SGCZ: variants seen among roughly 807,000 people sequenced by gnomAD.
The protein encoded by SGCZ is sarcoglycan zeta.
A neutral mutation model predicts 41.3 loss-of-function variants in SGCZ; 40 were observed. That is an observed-to-expected ratio of 0.97 (90% CI 0.75 to 1.26). The LOEUF is 1.26. Among genes scored for constraint, SGCZ ranks in the 50% most tolerant of loss-of-function variants. The pLI, the probability that SGCZ is intolerant of heterozygous loss-of-function variation, is 0.00. For missense variants in SGCZ, 552 were observed against 369.8 expected (o/e 1.49, Z -4.04); for synonymous variants, 206 against 137.5 (o/e 1.50, Z -3.49).
At chr8:14,423,715 A>T (rs761375039) in intron 2 of SGCZ, among the ~76,000 whole-genome samples, 3 of 152,164 alleles carry the variant, frequency 2.0e-5, no homozygotes, top group Non-Finnish European at 4.4e-5. Flanking sequence ...TATCTGGCTT[A>T]TCATTAATAT....
chr8:15,042,073 T>G (rs561595033), intron 1 of SGCZ, among the ~76,000 whole-genome samples: 4 of 152,296 alleles, frequency 2.6e-5, no homozygotes, highest in African/African-American at 9.6e-5. Flanking sequence ...AAATGCTCAT[T>G]TTGTGAGAAA....
In SGCZ at chr8:14,819,704, A is replaced by C. The variant is rs887867487; in HGVS notation, c.40-264778T>G. Reference sequence around the variant, plus strand: ...GGAACACACAACAGATAAATAAGTAAATTAGAGCAACAAAAATATTCATTG... The same window carrying C: ...GGAACACACAACAGATAAATAAGTACATTAGAGCAACAAAAATATTCATTG... On this transcript the variant is annotated intron_variant, in intron 1 of 7. Transcript: ENST00000382080. 7.9e-5 allele frequency among the ~76,000 whole-genome samples: 12 copies of C among 152,270 alleles called. No homozygotes were observed. The East Asian group carries it at 1.7e-3, about 22-fold the overall frequency.
At chr8:14,299,338 C>A (rs972260676) in intron 3 of SGCZ, among the ~76,000 whole-genome samples, 14 of 151,804 alleles carry the variant, frequency 9.2e-5, no homozygotes, top group Non-Finnish European at 1.3e-4. Context: ...AAAACCTCTG[C>A]TCAAAAACAA....
intron 1 of SGCZ, among the ~76,000 whole-genome samples, chr8:14,650,330 T>G (rs1335953065): frequency 6.6e-6 from 1 of 152,028 alleles, no homozygotes; most frequent in East Asian, 1.9e-4. Flanking sequence ...GAAGTTTAGC[T>G]TTAAAGTGGA....
At chr8:14,982,459 T>C (rs546917975) in intron 1 of SGCZ, among the ~76,000 whole-genome samples, 1 of 152,316 alleles carries the variant, frequency 6.6e-6, no homozygotes, top group South Asian at 2.1e-4. Context: ...GAGAGTGTAA[T>C]TGTATCAATG....
chr8:14,145,602 G>A (rs1321699822), intron 5 of SGCZ, among the ~76,000 whole-genome samples: 2 of 152,076 alleles, frequency 1.3e-5, no homozygotes, highest in East Asian at 1.9e-4. Context: ...AATAGCAAAA[G>A]GACCAATCTT....
chr8:14,507,935 C>G lies in SGCZ; in HGVS notation c.234+46797G>C, dbSNP rs377056508. ...TACAGGCATGCGCCACTACACCTGG[C>G]TAATTTTGTATTTTTAGTAGAGACG... On this transcript the variant is annotated intron_variant, in intron 2 of 7. Coordinates refer to ENST00000382080, the MANE Select transcript of SGCZ (RefSeq NM_139167.4). 5.0e-4 allele frequency among the ~76,000 whole-genome samples: 76 copies of G among 152,192 alleles called. No individual in the cohort carries two copies. The East Asian group carries it at 8.7e-3, about 17-fold the overall frequency.
intron 5 of SGCZ, among the ~76,000 whole-genome samples, chr8:14,116,654 T>G (rs139223312): frequency 1.4e-4 from 21 of 152,196 alleles, no homozygotes; most frequent in African/African-American, 5.1e-4. Context: ...ATTATTTACC[T>G]TTTGTTGCTC....
At chr8:15,113,081 C>T (rs190608182) in intron 1 of SGCZ, among the ~76,000 whole-genome samples, 7 of 151,772 alleles carry the variant, frequency 4.6e-5, no homozygotes, top group African/African-American at 7.3e-5. Context: ...TGGTTGTGAG[C>T]GCCTGTAGTT....
At chr8:15,144,863 G>A (rs570257427) in intron 1 of SGCZ, among the ~76,000 whole-genome samples, 9 of 152,216 alleles carry the variant, frequency 5.9e-5, no homozygotes, top group African/African-American at 1.4e-4. Context: ...ATCATTTTCC[G>A]GTGTACCGTA....
At chr8:15,044,735 G>C (rs1476557107) in intron 1 of SGCZ, among the ~76,000 whole-genome samples, 1 of 152,052 alleles carries the variant, frequency 6.6e-6, no homozygotes, top group Non-Finnish European at 1.5e-5. Flanking sequence ...TGATGATTAG[G>C]AGTTAATTAG....
At chr8:14,693,495 T>C (rs1217985824) in intron 1 of SGCZ, among the ~76,000 whole-genome samples, 2 of 151,810 alleles carry the variant, frequency 1.3e-5, no homozygotes, top group Non-Finnish European at 2.9e-5. Flanking sequence ...TTTCACCATG[T>C]TGGTCAGGCT....
chr8:15,022,752 T>C (rs747419388), intron 1 of SGCZ, among the ~76,000 whole-genome samples: 25 of 152,236 alleles, frequency 1.6e-4, no homozygotes, highest in Non-Finnish European at 3.1e-4. Context: ...ATAACTATTA[T>C]AACTTTCATA....
At chr8:14,744,651 A>G (rs573379260) in intron 1 of SGCZ, among the ~76,000 whole-genome samples, 7 of 152,166 alleles carry the variant, frequency 4.6e-5, no homozygotes, top group Non-Finnish European at 8.8e-5. Context: ...TTAACTTGGA[A>G]CTACTGGCTC....
At chr8:14,981,349 AC>A (rs1185926306) in intron 1 of SGCZ, among the ~76,000 whole-genome samples, 2 of 152,224 alleles carry the variant, frequency 1.3e-5, no homozygotes, top group African/African-American at 4.8e-5. Flanking sequence ...TTAAGATGCT[AC>A]CTAAACACAG....
chr8:14,554,337 T>C (rs997466098), intron 2 of SGCZ, among the ~76,000 whole-genome samples: 1 of 152,048 alleles, frequency 6.6e-6, no homozygotes, highest in Non-Finnish European at 1.5e-5. Context: ...TTATATGAAG[T>C]AATTCAAAGG....
chr8:14,943,858 C>T lies in SGCZ; in HGVS notation c.39+293727G>A, dbSNP rs192739495. 4.1e-4 allele frequency among the ~76,000 whole-genome samples: 62 copies of T among 152,218 alleles called. 1 individual carries two copies. The highest frequency in any genetic ancestry group is 2.9e-3 in the Admixed American group (44 of 15,266). The stretch of plus-strand genomic sequence containing the variant: ...TGGTTTTCTGTTCCTGTATTAGTTT[C>T]CTTAGGAAAGTGACCTCTAGCTCTA... On this transcript the variant is annotated intron_variant, in intron 1 of 7. Coordinates refer to ENST00000382080, the MANE Select transcript of SGCZ (RefSeq NM_139167.4).
At chr8:14,599,420 G>T (rs1025578986) in intron 1 of SGCZ, among the ~76,000 whole-genome samples, 2 of 152,160 alleles carry the variant, frequency 1.3e-5, no homozygotes, top group African/African-American at 4.8e-5. Flanking sequence ...TCAGGTAAAT[G>T]TGGAAAGTCA....
At chr8:14,570,432 GTTCT>G (rs755934757) in intron 1 of SGCZ, among the ~76,000 whole-genome samples, 64 of 152,164 alleles carry the variant, frequency 4.2e-4, no homozygotes, top group Non-Finnish European at 7.4e-4. Flanking sequence ...AAGTATATTT[GTTCT>G]TTCTGAGTGG....
Sources: allele counts gnomAD v4.1 joint callset (sites outside exome capture counted in the v4.1 genomes callset), GRCh38; gene constraint gnomAD v4.1.1; transcripts MANE v1.5; gene names NCBI Gene and HGNC (gene_info 2026-07-23, HGNC 2026-07-21).